The following C8orf34 variants were observed in gnomAD, a reference collection of about 807,000 sequenced individuals.
C8orf34 encodes uncharacterized protein C8orf34.
A neutral mutation model predicts 68.3 loss-of-function variants in C8orf34; 65 were observed. The observed-to-expected ratio is 0.95, with a 90% CI of 0.78 to 1.17. The LOEUF (loss-of-function observed/expected upper bound fraction) is 1.17, where lower values mean the gene tolerates loss of function less well. C8orf34 is among the 50% of genes most tolerant of loss of function. C8orf34 has a pLI of 0.00. For synonymous variants in C8orf34, 244 were observed against 241.2 expected (o/e 1.01, Z -0.11); for missense variants, 664 against 655.4 (o/e 1.01, Z -0.14).
rs1254392004 is a variant in C8orf34, at chr8:68,478,196, T to C, written c.736+9376T>C. ...TTATGCTCTGCTTCCCTTTTAAACA[T>C]AAGTTTCAATTTCAGATAATCTCTC... On this transcript the variant is annotated intron_variant, in intron 4 of 13. Transcript: ENST00000518698. 2.0e-5 allele frequency among the ~76,000 whole-genome samples: 3 copies of C among 149,526 alleles called. No individual in the cohort carries two copies. In the East Asian group the frequency reaches 5.9e-4, roughly 30 times the overall value.
intron 7 of C8orf34, among the ~76,000 whole-genome samples, chr8:68,561,608 A>G (rs1816430244): frequency 2.6e-5 from 4 of 152,040 alleles, no homozygotes; most frequent in Admixed American, 2.0e-4. Context: ...AATACAAAAA[A>G]TTAGCTGGAC....
intron 1 of C8orf34, among the ~76,000 whole-genome samples, chr8:68,332,098 T>TC (rs1554594593): frequency 6.6e-6 from 1 of 152,014 alleles, no homozygotes; most frequent in African/African-American, 2.4e-5. Context: ...TTGTTTTTTT[T>TC]TCTCTCTCTC....
intron 4 of C8orf34, among the ~76,000 whole-genome samples, chr8:68,476,315 G>C (rs1812614858): frequency 6.6e-6 from 1 of 152,156 alleles, no homozygotes; most frequent in South Asian, 2.1e-4. Context: ...AATCTCCAAA[G>C]GGGTTTAGGG....
chr8:68,406,864 C>A (rs1318662272), intron 1 of C8orf34, among the ~76,000 whole-genome samples: 3 of 152,066 alleles, frequency 2.0e-5, no homozygotes, highest in African/African-American at 7.2e-5. Context: ...GGACTGCTAT[C>A]TTGAGTAAAC....
chr8:68,431,451 C>G (rs1810448828), intron 1 of C8orf34, among the ~76,000 whole-genome samples: 1 of 152,120 alleles, frequency 6.6e-6, no homozygotes, highest in South Asian at 2.1e-4. Flanking sequence ...CTATATTGTA[C>G]TCCTACAGAG....
intron 1 of C8orf34, among the ~76,000 whole-genome samples, chr8:68,390,135 A>T (rs147045305): frequency 5.9e-5 from 9 of 152,172 alleles, no homozygotes; most frequent in African/African-American, 1.9e-4. Flanking sequence ...ATGTTTTGCC[A>T]TGGAAAGAAG....
intron 4 of C8orf34, among the ~76,000 whole-genome samples, chr8:68,478,995 G>A (rs909053876): frequency 6.6e-6 from 1 of 152,142 alleles, no homozygotes; most frequent in Admixed American, 6.5e-5. Flanking sequence ...GTCTGTGACT[G>A]GGGGCTTATT....
chr8:68,388,102 T>C (rs1425356125), intron 1 of C8orf34, among the ~76,000 whole-genome samples: 2 of 152,188 alleles, frequency 1.3e-5, no homozygotes, highest in East Asian at 1.9e-4. Flanking sequence ...GAAGATTGCT[T>C]CTGGTTTTTG....
At chr8:68,457,383 G>C (rs1159751428) in intron 3 of C8orf34, among the ~76,000 whole-genome samples, 1 of 152,102 alleles carries the variant, frequency 6.6e-6, no homozygotes, top group African/African-American at 2.4e-5. Context: ...TATAACTGTA[G>C]TACTGGGGAT....
intron 5 of C8orf34, among the ~76,000 whole-genome samples, chr8:68,519,174 G>T (rs1814645882): frequency 6.6e-6 from 1 of 152,270 alleles, no homozygotes; most frequent in South Asian, 2.1e-4. Flanking sequence ...TGGTCTTTAT[G>T]TATGAGACCT....
intron 6 of C8orf34, chr8:68,525,819 A>G: frequency 2.0e-6 from 1 of 492,092 alleles, no homozygotes. Context: ...ACTCTGGAGC[A>G]TGGCTTGATA....
chr8:68,556,929 A>G (rs1325759837), intron 7 of C8orf34, among the ~76,000 whole-genome samples: 1 of 152,176 alleles, frequency 6.6e-6, no homozygotes, highest in East Asian at 1.9e-4. Context: ...GCTTTCTCAT[A>G]AAATAAGAAA....
At chr8:68,699,955 A>G (rs1202021127) in intron 8 of C8orf34, among the ~76,000 whole-genome samples, 1 of 152,094 alleles carries the variant, frequency 6.6e-6, no homozygotes. Context: ...TGTCACCATT[A>G]ATCATTATAC....
At chr8:68,454,074 C>T (rs536147534) in intron 3 of C8orf34, among the ~76,000 whole-genome samples, 1 of 152,048 alleles carries the variant, frequency 6.6e-6, no homozygotes, top group South Asian at 2.1e-4. Context: ...TGATGTGTTA[C>T]ATTTTATAAT....
At chr8:68,770,435 A>C (rs940024630) in intron 10 of C8orf34, among the ~76,000 whole-genome samples, 1 of 152,258 alleles carries the variant, frequency 6.6e-6, no homozygotes, top group Non-Finnish European at 1.5e-5. Flanking sequence ...TGACTAGTTC[A>C]ATGGTAAATG....
chr8:68,736,769 T>C (rs1822134048), intron 10 of C8orf34, among the ~76,000 whole-genome samples: 1 of 152,036 alleles, frequency 6.6e-6, no homozygotes, highest in South Asian at 2.1e-4. Flanking sequence ...GGCCACTTTT[T>C]CCAAATGGTT....
At chr8:68,416,511 A>ATT (rs1809671738) in intron 1 of C8orf34, among the ~76,000 whole-genome samples, 3 of 128,976 alleles carry the variant, frequency 2.3e-5, no homozygotes, top group Non-Finnish European at 5.0e-5. Flanking sequence ...TATTAAACAT[A>ATT]CATTTATTTA....
At chr8:68,649,116 A>G (rs560725483) in intron 8 of C8orf34, among the ~76,000 whole-genome samples, 1 of 152,190 alleles carries the variant, frequency 6.6e-6, no homozygotes, top group Non-Finnish European at 1.5e-5. Context: ...GGATAAGGAC[A>G]AAAAAGGATT....
At chr8:68,381,499 G>A (rs1808030091) in intron 1 of C8orf34, among the ~76,000 whole-genome samples, 1 of 151,808 alleles carries the variant, frequency 6.6e-6, no homozygotes, top group Non-Finnish European at 1.5e-5. Context: ...TTGGGAGGCC[G>A]AGGCGGGTGG....
Sources: gnomAD v4.1 joint callset for allele counts (sites outside exome capture counted in the v4.1 genomes callset) on GRCh38, gnomAD v4.1.1 for gene constraint, MANE v1.5 for transcripts, NCBI Gene and HGNC (gene_info 2026-07-23, HGNC 2026-07-21) for gene names.